LECT2: variants seen among roughly 807,000 people sequenced by gnomAD.
LECT2 encodes leukocyte cell-derived chemotaxin-2.
LECT2 carries 11 observed loss-of-function variants against 16.6 expected under a neutral mutation model. The observed-to-expected ratio is 0.66, with a 90% CI of 0.42 to 1.09. The LOEUF (loss-of-function observed/expected upper bound fraction) is 1.09, where lower values mean the gene tolerates loss of function less well. Ranked by LOEUF, LECT2 falls within the 50% of genes least tolerant of loss-of-function variation. LECT2 has a pLI of 0.00. For synonymous variants in LECT2, 54 were observed against 64.8 expected (o/e 0.83, Z 0.80); for missense variants, 173 against 184.2 (o/e 0.94, Z 0.35).
intron 1 of LECT2, among the ~76,000 whole-genome samples, 178 bp downstream of exon 1, chr5:135,954,610 A>G (rs1364477963): frequency 6.6e-6 from 1 of 152,208 alleles, no homozygotes; most frequent in Non-Finnish European, 1.5e-5. Context: ...GGAACATTCC[A>G]TTTAAATTAC....
intron 3 of LECT2, among the ~76,000 whole-genome samples, chr5:135,948,554 A>T (rs1031727031): frequency 3.3e-5 from 5 of 152,198 alleles, no homozygotes; most frequent in African/African-American, 1.2e-4. Context: ...TATCTCAATA[A>T]TTTTTGTATT....
chr5:135,947,375 G>T lies in LECT2; in HGVS notation c.412C>A (p.His138Asn). 6.2e-7 allele frequency: 1 copy of T among 1,614,010 alleles called. No individual in the cohort carries two copies. Among genetic ancestry groups the T allele is most frequent in the Non-Finnish European group, 8.5e-7 (1 of 1,179,898 alleles). The part of the protein sequence containing the change: ...KVYPGIQSHV[H>N]IENCDSSDPT... Reference sequence around the variant, plus strand: ...TCACTCGAGTCACAGTTTTCAATGTGCACATGCGATTGTATGCCAGGATAA... The same window carrying T: ...TCACTCGAGTCACAGTTTTCAATGTTCACATGCGATTGTATGCCAGGATAA... Residue 138 changes from histidine (H) to asparagine (N), a missense_variant, in exon 4 of 4, where the codon CAC becomes AAC. His to Asn is a moderately conservative substitution (Grantham distance 68). Transcript: ENST00000274507.
At chr5:135,951,524 G>T in intron 2 of LECT2, 156 bp from the exon 3 acceptor site, 1 of 610,532 alleles carries the variant, frequency 1.6e-6, no homozygotes, top group Non-Finnish European at 2.7e-6. Flanking sequence ...ACTCTGTTTA[G>T]CCCAATTTTA....
chr5:135,949,617 T>C (rs1396156672), intron 3 of LECT2, among the ~76,000 whole-genome samples: 1 of 152,174 alleles, frequency 6.6e-6, no homozygotes, highest in Non-Finnish European at 1.5e-5. Flanking sequence ...GCAGGTCCCT[T>C]TGGGGACAGC....
At chr5:135,948,682 A>ATTTT (rs1317572023) in intron 3 of LECT2, among the ~76,000 whole-genome samples, 3 of 148,290 alleles carry the variant, frequency 2.0e-5, no homozygotes, top group Non-Finnish European at 3.0e-5. Context: ...AATTATTATT[A>ATTTT]TTATTTTTTT....
At chr5:135,951,474 T>C in intron 2 of LECT2, 106 bp from the exon 3 acceptor site, 2 of 1,078,558 alleles carry the variant, frequency 1.9e-6, no homozygotes, top group Non-Finnish European at 2.7e-6. Flanking sequence ...TACCAAAGCT[T>C]GAAGCTGCCA....
intron 3 of LECT2, among the ~76,000 whole-genome samples, chr5:135,949,652 T>A (rs558239899): frequency 6.6e-6 from 1 of 152,332 alleles, no homozygotes; most frequent in African/African-American, 2.4e-5. Context: ...ACAGTATAAA[T>A]GTTTGGCTGC....
At chr5:135,947,647 G>A in intron 3 of LECT2, 150 bp from the exon 4 acceptor site, 5 of 950,820 alleles carry the variant, frequency 5.3e-6, no homozygotes, top group South Asian at 2.5e-5. Context: ...ATATTAAAAA[G>A]GAAGACTAAA....
chr5:135,950,511 T>C (rs12653045), intron 3 of LECT2, among the ~76,000 whole-genome samples: 18,961 of 152,248 alleles, frequency 0.12, 1,393 homozygotes, highest in African/African-American at 0.2. Context: ...GGGTGCTGAT[T>C]ACACAGGTGT....
chr5:135,949,473 C>T (rs958329397), intron 3 of LECT2, among the ~76,000 whole-genome samples: 1 of 152,154 alleles, frequency 6.6e-6, no homozygotes, highest in Non-Finnish European at 1.5e-5. Context: ...GACTCTAAGC[C>T]CCTAGTCTGA....
At chr5:135,953,713 C>T (rs1045917964) in intron 1 of LECT2, among the ~76,000 whole-genome samples, 1 of 152,014 alleles carries the variant, frequency 6.6e-6, no homozygotes, top group Non-Finnish European at 1.5e-5. Flanking sequence ...CTAATCAAAT[C>T]CAAGCAAATG....
At chr5:135,952,748 T>A (rs1322268711) in intron 2 of LECT2, 123 bp downstream of exon 2, 2 of 652,626 alleles carry the variant, frequency 3.1e-6, no homozygotes, top group African/African-American at 3.6e-5. Flanking sequence ...TGTAACTGGT[T>A]ACATCTCTGG....
rs753038657 is a variant in LECT2, at chr5:135,947,363, A to G, written c.424T>C (p.Cys142Arg). The change falls in exon 4 of 4, where the codon TGT (cysteine) becomes CGT (arginine). Residue 142 changes from cysteine (C) to arginine (R), a missense_variant. Cys to Arg is a radical substitution (Grantham distance 180). Coordinates refer to ENST00000274507, the MANE Select transcript of LECT2 (RefSeq NM_002302.3). ...GIQSHVHIEN[C>R]DSSDPTAYL ...TATGCAGTAGGGTCACTCGAGTCAC[A>G]GTTTTCAATGTGCACATGCGATTGT... 102 of 1,613,898 alleles carry G rather than the reference A, an allele frequency of 6.3e-5. No homozygotes were observed. Among genetic ancestry groups the G allele is most frequent in the Non-Finnish European group, 8.3e-5 (98 of 1,179,902 alleles).
rs1763838685 is a variant in LECT2, at chr5:135,954,779, T to C, written c.46+9A>G. On this transcript the variant is annotated intron_variant, in intron 1 of 3. Transcript: ENST00000274507. ...TAATCAATATTCTAAAATTGCACTT[T>C]CGACTTACCGGTAGAAATCAGACCA... 1 of 1,609,018 alleles carries C rather than the reference T, an allele frequency of 6.2e-7. No homozygotes were observed. The highest frequency in any genetic ancestry group is 8.5e-7 in the Non-Finnish European group (1 of 1,175,546).
At chr5:135,948,034 C>T (rs1039162978) in intron 3 of LECT2, among the ~76,000 whole-genome samples, 2 of 152,124 alleles carry the variant, frequency 1.3e-5, no homozygotes, top group Admixed American at 6.5e-5. Flanking sequence ...CAATTGAATG[C>T]TGTATGGAAT....
At chr5:135,954,128 T>C (rs1696330572) in intron 1 of LECT2, among the ~76,000 whole-genome samples, 1 of 152,248 alleles carries the variant, frequency 6.6e-6, no homozygotes, top group African/African-American at 2.4e-5. Context: ...AATTTGACTA[T>C]TGATTTTATT....
rs1478627690 is a variant in LECT2 at position 135,951,284 on chromosome 5, G to T, written c.228C>A (p.Gly76=). 2 of 1,613,866 alleles carry T rather than the reference G, an allele frequency of 1.2e-6. No individual in the cohort carries two copies. The highest frequency in any genetic ancestry group is 1.7e-6 in the Non-Finnish European group (2 of 1,179,896). The change falls in exon 3 of 4, where the codon GGC becomes GGA. Residue 76 remains glycine, a synonymous_variant. Transcript: ENST00000274507. The part of the protein sequence containing the change: ...VYAPFTGMIV[G]QEKPYQNKNA... ...TCTTGTTTTGATAAGGTTTCTCCTG[G>T]CCCACAATCATTCCAGTGAATGGTG...
At chr5:135,951,045 T>C in intron 3 of LECT2, 178 bp downstream of exon 3, 1 of 628,118 alleles carries the variant, frequency 1.6e-6, no homozygotes, top group Non-Finnish European at 2.8e-6. Flanking sequence ...CCCCTGAACC[T>C]AAAATAAAAG....
At position 135,954,890 on chromosome 5, in the gene LECT2, T is replaced by C. The variant is rs947907138; in HGVS notation, c.-57A>G. 7.2e-6 allele frequency: 9 copies of C among 1,255,368 alleles called. No homozygotes were observed. The African/African-American group carries it at 1.3e-4, about 18-fold the overall frequency. 77.8% of individuals were successfully genotyped at this position (1,255,368 alleles called of 1,614,324 possible). On this transcript the variant is annotated 5_prime_UTR_variant, in exon 1 of 4. Coordinates refer to ENST00000274507, the MANE Select transcript of LECT2 (RefSeq NM_002302.3). ...ATTAGAGTTGCCCCCACACTCTCTT[T>C]GAAGAATATTCAAGTTTGAATGAAT...
Sources: gnomAD v4.1 joint callset for allele counts (sites outside exome capture counted in the v4.1 genomes callset) on GRCh38, gnomAD v4.1.1 for gene constraint, MANE v1.5 for transcripts, NCBI Gene and HGNC (gene_info 2026-07-23, HGNC 2026-07-21) for gene names.